Variants in ATAD2B observed in about 807,000 individuals in gnomAD.
ATAD2B encodes ATPase family AAA domain-containing protein 2B.
Under a neutral mutation model 167.6 loss-of-function variants are expected in ATAD2B, and 40 were observed. The observed-to-expected ratio is 0.24, with a 90% CI of 0.19 to 0.31. The LOEUF is 0.31. Among genes scored for constraint, ATAD2B ranks in the 10% least tolerant of loss-of-function variants. ATAD2B has a pLI of 1.00. For missense variants in ATAD2B, 1,242 were observed against 1,757.2 expected (o/e 0.71, Z 5.24); for synonymous variants, 579 against 596.5 (o/e 0.97, Z 0.43).
chr2:23,809,389 C>T (rs1390032182), intron 18 of ATAD2B, among the ~76,000 whole-genome samples: 2 of 151,992 alleles, frequency 1.3e-5, no homozygotes, highest in African/African-American at 4.8e-5. Flanking sequence ...GAAACTAAAT[C>T]AATACTACTA....
At chr2:23,710,926 T>C in the ATAD2B span, among the ~76,000 whole-genome samples, 6 of 152,162 alleles carry the variant, frequency 3.9e-5, no homozygotes, top group Non-Finnish European at 7.4e-5. Flanking sequence ...GGGATGACCG[T>C]CATAATAACT....
chr2:23,896,153 C>CAA (rs1158562523), intron 1 of ATAD2B, among the ~76,000 whole-genome samples, 183 bp from the exon 2 acceptor site: 114 of 125,600 alleles, frequency 9.1e-4, no homozygotes, highest in African/African-American at 3.2e-3. Flanking sequence ...CCGCCTCTAC[C>CAA]AAAAAAAAAA....
In ATAD2B at chr2:23,775,795, C is replaced by T. The variant is rs748674830; in HGVS notation, c.3133+7074G>A. 7.2e-5 allele frequency among the ~76,000 whole-genome samples: 11 copies of T among 152,100 alleles called. 1 individual carries two copies. Among genetic ancestry groups the T allele is most frequent in the Non-Finnish European group, 1.5e-5 (1 of 68,022 alleles). Reference sequence around the variant, plus strand: ...CTATGAAATCTCATTCACTCCTCTACGATGATGACTCCCAACCATATCTCC... The same window carrying T: ...CTATGAAATCTCATTCACTCCTCTATGATGATGACTCCCAACCATATCTCC... On this transcript the variant is annotated intron_variant, in intron 22 of 27. Coordinates refer to ENST00000238789, the MANE Select transcript of ATAD2B (RefSeq NM_017552.4).
At chr2:23,798,756 T>A (rs759912781) in intron 18 of ATAD2B, among the ~76,000 whole-genome samples, 2 of 152,204 alleles carry the variant, frequency 1.3e-5, no homozygotes, top group Non-Finnish European at 2.9e-5. Context: ...TTTGAGCACC[T>A]TGACTAAAAT....
chr2:23,904,267 C>T (rs185352461), intron 1 of ATAD2B, among the ~76,000 whole-genome samples: 1 of 152,234 alleles, frequency 6.6e-6, no homozygotes, highest in Admixed American at 6.5e-5. Context: ...AAATCAGAGA[C>T]AAATATAGTC....
chr2:23,857,324 TA>T, intron 13 of ATAD2B, 90 bp downstream of exon 13: 1 of 664,058 alleles, frequency 1.5e-6, no homozygotes, highest in South Asian at 2.1e-5. Context: ...AATTTCTTTG[TA>T]AGCCTCATAG....
chr2:23,801,430 A>G (rs1305770906), intron 18 of ATAD2B, among the ~76,000 whole-genome samples: 2 of 152,024 alleles, frequency 1.3e-5, no homozygotes, highest in Non-Finnish European at 2.9e-5. Context: ...TTTGAGAACT[A>G]GAAAAATACT....
chr2:23,752,513 T>C (rs1675471908), intron 27 of ATAD2B, among the ~76,000 whole-genome samples: 3 of 150,476 alleles, frequency 2.0e-5, no homozygotes, highest in African/African-American at 7.3e-5. Context: ...ATATAATTTA[T>C]ATATATAGTT....
chr2:23,760,771 C>CACACACACA (rs1572646294), intron 24 of ATAD2B, among the ~76,000 whole-genome samples: 1 of 130,132 alleles, frequency 7.7e-6, no homozygotes, highest in African/African-American at 2.7e-5. Flanking sequence ...CACACACACA[C>CACACACACA]CACTTCCTTC....
At chr2:23,740,639 C>T in the ATAD2B span, among the ~76,000 whole-genome samples, 1 of 152,112 alleles carries the variant, frequency 6.6e-6, no homozygotes, top group Non-Finnish European at 1.5e-5. Flanking sequence ...TGAAAACTGG[C>T]ACAAGACAGG....
At chr2:23,704,828 A>G in the ATAD2B span, among the ~76,000 whole-genome samples, 6 of 152,254 alleles carry the variant, frequency 3.9e-5, no homozygotes, top group African/African-American at 1.4e-4. Context: ...TGCTTCCTGA[A>G]GACATCTTGT....
chr2:23,833,869 ATAG>A, intron 14 of ATAD2B, 47 bp downstream of exon 14: 1 of 1,407,242 alleles, frequency 7.1e-7, no homozygotes, highest in Non-Finnish European at 9.7e-7. Flanking sequence ...CATATGCCTT[ATAG>A]TAGAATTACA....
chr2:23,819,154 A>C (rs1011995514), intron 17 of ATAD2B, among the ~76,000 whole-genome samples: 3 of 152,146 alleles, frequency 2.0e-5, no homozygotes, highest in African/African-American at 7.2e-5. Flanking sequence ...TCTAAGGGTA[A>C]GCTTTCCTCT....
At chr2:23,755,182 CA>C in intron 25 of ATAD2B, 1 of 153,584 alleles carries the variant, frequency 6.5e-6, no homozygotes, top group Non-Finnish European at 1.4e-5. Context: ...AAGTGGGGCC[CA>C]CCTGTCTACA....
At chr2:23,805,138 T>C (rs995658515) in intron 18 of ATAD2B, among the ~76,000 whole-genome samples, 8 of 147,860 alleles carry the variant, frequency 5.4e-5, no homozygotes, top group African/African-American at 2.0e-4. Flanking sequence ...AGCAAAACCC[T>C]GTCTCAAAAA....
At chr2:23,908,036 C>G (rs1701742753) in intron 1 of ATAD2B, among the ~76,000 whole-genome samples, 1 of 152,060 alleles carries the variant, frequency 6.6e-6, no homozygotes, top group African/African-American at 2.4e-5. Context: ...CATAAAAACC[C>G]TAGAAGAAAG....
At chr2:23,701,793 C>CTTTTTTTTTTTT in the ATAD2B span, among the ~76,000 whole-genome samples, 4 of 22,542 alleles carry the variant, frequency 1.8e-4, no homozygotes, top group Non-Finnish European at 3.0e-4. Flanking sequence ...CTTTTTTTTG[C>CTTTTTTTTTTTT]TTTTTTTTTT....
intron 7 of ATAD2B, among the ~76,000 whole-genome samples, chr2:23,878,758 A>T (rs951649190): frequency 2.6e-5 from 4 of 151,808 alleles, no homozygotes; most frequent in African/African-American, 9.7e-5. Flanking sequence ...GTCTTGTCTT[A>T]AAAATATTTG....
the ATAD2B span, among the ~76,000 whole-genome samples, chr2:23,738,188 A>G: frequency 6.6e-6 from 1 of 152,348 alleles, no homozygotes; most frequent in East Asian, 1.9e-4. Flanking sequence ...AGATTCAGGA[A>G]ATACAGAGAA....
Sources: allele counts gnomAD v4.1 joint callset (sites outside exome capture counted in the v4.1 genomes callset), GRCh38; gene constraint gnomAD v4.1.1; transcripts MANE v1.5; gene names NCBI Gene and HGNC (gene_info 2026-07-23, HGNC 2026-07-21).